The following TFEC variants were observed in gnomAD, a reference collection of about 807,000 sequenced individuals.
The protein encoded by TFEC is class E basic helix-loop-helix protein 34.
TFEC carries 31 observed loss-of-function variants against 41.6 expected under a neutral mutation model. That is an observed-to-expected ratio of 0.74 (90% CI 0.56 to 1.01). The LOEUF is 1.01. TFEC is among the 50% of genes least tolerant of loss of function. The pLI, the probability that TFEC is intolerant of heterozygous loss-of-function variation, is 0.00. For synonymous variants in TFEC, 143 were observed against 140.6 expected, an observed-to-expected ratio of 1.02 and a Z score of -0.12; for missense variants, 402 against 404.1, an observed-to-expected ratio of 0.99 and a Z score of 0.04.
At chr7:115,994,296 GC>G (rs1794259793) in intron 1 of TFEC, among the ~76,000 whole-genome samples, 1 of 152,092 alleles carries the variant, frequency 6.6e-6, no homozygotes, top group African/African-American at 2.4e-5. Flanking sequence ...ATAGGCATGG[GC>G]AAGGACTTCA....
chr7:115,974,273 C>T lies in TFEC; in HGVS notation c.181-17G>A. The T allele has an allele frequency of 6.4e-7, 1 of 1,552,116 alleles. No individual in the cohort carries two copies. Among genetic ancestry groups the T allele is most frequent in the South Asian group, 1.2e-5 (1 of 81,096 alleles). ...GTCCTCCATCTAGCAAAATATAATA[C>T]ATTTAGAATATTGTACATAATGATA... On this transcript the variant is annotated splice_polypyrimidine_tract_variant and intron_variant, in intron 2 of 7. Transcript: ENST00000265440.
exon 3 of TFEC, chr7:116,110,805 G>A: frequency 2.6e-6 from 4 of 1,548,318 alleles, no homozygotes; most frequent in Non-Finnish European, 3.5e-6. Flanking sequence ...GTGGAACTCT[G>A]TTCTATGGGC....
Position 115,954,577 on chromosome 7 carries a change from T to C in TFEC, c.439+9A>G. On this transcript the variant is annotated intron_variant, in intron 5 of 7. Transcript: ENST00000265440. Reference sequence around the variant, plus strand: ...TGCATTAATTTTATATGGAAAAATATATACTCACTGAGGTTGTGGTTGTCC... The same window carrying C: ...TGCATTAATTTTATATGGAAAAATACATACTCACTGAGGTTGTGGTTGTCC... The C allele has an allele frequency of 6.2e-7, 1 of 1,608,290 alleles. No individual in the cohort carries two copies. The highest frequency in any genetic ancestry group is 1.1e-5 in the South Asian group (1 of 90,450).
At chr7:116,023,031 C>T (rs1037202409) in intron 1 of TFEC, among the ~76,000 whole-genome samples, 2 of 151,626 alleles carry the variant, frequency 1.3e-5, no homozygotes, top group African/African-American at 4.9e-5. Flanking sequence ...TATTAAGAGC[C>T]CGTAATATAA....
At chr7:115,954,153 A>G (rs988191715) in intron 5 of TFEC, among the ~76,000 whole-genome samples, 1 of 152,014 alleles carries the variant, frequency 6.6e-6, no homozygotes, top group Non-Finnish European at 1.5e-5. Flanking sequence ...ACTGCAACAC[A>G]GCAATGCCTT....
intron 3 of TFEC, among the ~76,000 whole-genome samples, chr7:116,052,563 G>T (rs967821283): frequency 1.8e-4 from 28 of 151,932 alleles, no homozygotes; most frequent in African/African-American, 5.8e-4. Context: ...CGAGTAGCTA[G>T]GACTATAGGC....
upstream of TFEC, among the ~76,000 whole-genome samples, chr7:116,034,421 C>T (rs1037898665): frequency 6.6e-6 from 1 of 151,990 alleles, no homozygotes; most frequent in African/African-American, 2.4e-5. Context: ...AACCATGCAC[C>T]ACTTGCAGCC....
In TFEC at chr7:115,938,056, T is replaced by G. The variant is rs1793316009; in HGVS notation, c.*2495A>C. Reference sequence around the variant, plus strand: ...GTTCCCTGACATCTCATAATCTGAATGTAGCAGCAAATAGCAGTTCCCTCT... The same window carrying G: ...GTTCCCTGACATCTCATAATCTGAAGGTAGCAGCAAATAGCAGTTCCCTCT... On this transcript the variant is annotated 3_prime_UTR_variant, in exon 8 of 8. Coordinates refer to ENST00000265440, the MANE Select transcript of TFEC (RefSeq NM_012252.4). 1 of 151,918 alleles carries G rather than the reference T, an allele frequency of 6.6e-6. No individual in the cohort carries two copies. Among genetic ancestry groups the G allele is most frequent in the Non-Finnish European group, 1.5e-5 (1 of 67,894 alleles). The allele number at this position is 151,918 out of a possible 1,614,324, so 9.4% of individuals were successfully genotyped here.
intron 1 of TFEC, among the ~76,000 whole-genome samples, chr7:116,120,927 TA>T (rs1222397632): frequency 1.3e-4 from 19 of 151,978 alleles, no homozygotes; most frequent in Admixed American, 2.0e-4. Flanking sequence ...ACTGGTTCTA[TA>T]AAAAACCCTA....
At chr7:116,135,046 G>C (rs1030322396) in intron 1 of TFEC, among the ~76,000 whole-genome samples, 4 of 152,082 alleles carry the variant, frequency 2.6e-5, no homozygotes, top group Non-Finnish European at 4.4e-5. Context: ...TAAGATTGTA[G>C]TGAATTTAAT....
At chr7:115,983,071 G>A (rs1006814167) in intron 2 of TFEC, among the ~76,000 whole-genome samples, 1 of 152,040 alleles carries the variant, frequency 6.6e-6, no homozygotes, top group African/African-American at 2.4e-5. Flanking sequence ...ACTGTACTGT[G>A]TGTAGATCTA....
chr7:116,139,749 A>G (rs764439678), intron 1 of TFEC, among the ~76,000 whole-genome samples: 3 of 152,200 alleles, frequency 2.0e-5, no homozygotes, highest in Non-Finnish European at 2.9e-5. Context: ...AGTTTGAGAT[A>G]GGCCTTAAAG....
intron 1 of TFEC, among the ~76,000 whole-genome samples, chr7:116,155,385 G>A (rs902656609): frequency 3.3e-5 from 5 of 152,136 alleles, no homozygotes; most frequent in African/African-American, 7.2e-5. Context: ...GCAATTTCTC[G>A]CTATGCTACA....
At chr7:116,016,504 G>A (rs1236203796) in intron 1 of TFEC, among the ~76,000 whole-genome samples, 3 of 151,948 alleles carry the variant, frequency 2.0e-5, no homozygotes, top group Non-Finnish European at 2.9e-5. Flanking sequence ...AGTGAATTGG[G>A]GGTGCCACAG....
intron 2 of TFEC, among the ~76,000 whole-genome samples, chr7:115,978,195 G>C (rs1188817429): frequency 1.3e-5 from 2 of 151,988 alleles, no homozygotes; most frequent in African/African-American, 4.8e-5. Context: ...CTGAAACAAG[G>C]TTAAAAAAGG....
At chr7:115,976,351 G>T (rs568797642) in intron 2 of TFEC, among the ~76,000 whole-genome samples, 1 of 152,084 alleles carries the variant, frequency 6.6e-6, no homozygotes, top group Non-Finnish European at 1.5e-5. Flanking sequence ...TGTGAACCCC[G>T]GAGGCAGAGT....
chr7:116,002,792 AC>A (rs1472307221), intron 1 of TFEC, among the ~76,000 whole-genome samples: 1 of 152,124 alleles, frequency 6.6e-6, no homozygotes, highest in Non-Finnish European at 1.5e-5. Context: ...TCATAAATGC[AC>A]CCCTGTTACA....
At chr7:116,103,076 AG>A (rs1331175739) in intron 3 of TFEC, among the ~76,000 whole-genome samples, 1 of 152,168 alleles carries the variant, frequency 6.6e-6, no homozygotes, top group Non-Finnish European at 1.5e-5. Flanking sequence ...AGACTTTTAA[AG>A]GTTGTGTAGA....
chr7:116,043,265 T>A (rs984853145), intron 3 of TFEC, among the ~76,000 whole-genome samples: 1 of 151,798 alleles, frequency 6.6e-6, no homozygotes, highest in African/African-American at 2.4e-5. Flanking sequence ...TCTTAAGGAC[T>A]TTTTTTTCTG....
Sources: gnomAD v4.1 joint callset for allele counts (sites outside exome capture counted in the v4.1 genomes callset) on GRCh38, gnomAD v4.1.1 for gene constraint, MANE v1.5 for transcripts, NCBI Gene and HGNC (gene_info 2026-07-23, HGNC 2026-07-21) for gene names.